LUZP2: variants seen among roughly 807,000 people sequenced by gnomAD.
The protein encoded by LUZP2 is leucine zipper protein 2.
LUZP2 carries 52 observed loss-of-function variants against 51.6 expected under a neutral mutation model. The observed-to-expected ratio is 1.01, with a 90% CI of 0.81 to 1.27. The LOEUF is 1.27. Ranked by LOEUF, LUZP2 falls within the 50% of genes most tolerant of loss-of-function variation. The pLI is 0.00. For synonymous variants in LUZP2, 154 were observed against 137.3 expected (o/e 1.12, Z -0.85); for missense variants, 436 against 395.4 (o/e 1.10, Z -0.87).
At chr11:24,940,065 A>G (rs1854699449) in intron 7 of LUZP2, among the ~76,000 whole-genome samples, 1 of 151,234 alleles carries the variant, frequency 6.6e-6, no homozygotes. Flanking sequence ...GTGTCTTTTG[A>G]CTGTATGGTG....
chr11:24,537,931 A>G (rs2133839077), intron 1 of LUZP2, among the ~76,000 whole-genome samples: 1 of 152,048 alleles, frequency 6.6e-6, no homozygotes, highest in Admixed American at 6.6e-5. Context: ...GTTAGCTGGC[A>G]GAGACACAGT....
At chr11:24,578,209 C>T (rs1330348359) in intron 1 of LUZP2, among the ~76,000 whole-genome samples, 6 of 151,990 alleles carry the variant, frequency 3.9e-5, no homozygotes, top group Admixed American at 3.9e-4. Flanking sequence ...GAGTAAGAAA[C>T]TTCTTAAAAT....
chr11:24,972,784 T>C (rs1855778622), intron 7 of LUZP2, among the ~76,000 whole-genome samples: 1 of 152,140 alleles, frequency 6.6e-6, no homozygotes, highest in African/African-American at 2.4e-5. Flanking sequence ...GCCAACTTGA[T>C]TGTGGTGGAT....
At chr11:24,708,643 C>G (rs531299259) in intron 1 of LUZP2, among the ~76,000 whole-genome samples, 12 of 152,200 alleles carry the variant, frequency 7.9e-5, no homozygotes, top group African/African-American at 2.6e-4. Flanking sequence ...TTATGAAAAC[C>G]TGGATTTCTT....
chr11:24,792,116 CA>C (rs139808255), intron 5 of LUZP2, among the ~76,000 whole-genome samples: 1,722 of 152,118 alleles, frequency 0.011, 29 homozygotes, highest in African/African-American at 0.038. Context: ...ACCTATCTTG[CA>C]TTTCTATTTT....
intron 10 of LUZP2, among the ~76,000 whole-genome samples, chr11:25,063,038 A>G (rs985493160): frequency 2.0e-5 from 3 of 151,394 alleles, no homozygotes; most frequent in Admixed American, 2.0e-4. Context: ...AGAAAAAAAT[A>G]CCCCAAATTA....
intron 10 of LUZP2, among the ~76,000 whole-genome samples, chr11:25,072,784 A>G (rs1272287191): frequency 6.7e-6 from 1 of 150,148 alleles, no homozygotes; most frequent in Non-Finnish European, 1.5e-5. Flanking sequence ...GATTACCATT[A>G]TAACCCCAAA....
At chr11:24,756,899 G>T (rs1859796433) in intron 4 of LUZP2, among the ~76,000 whole-genome samples, 2 of 152,338 alleles carry the variant, frequency 1.3e-5, no homozygotes, top group South Asian at 4.1e-4. Context: ...TCAAGCTGAG[G>T]TTCCCATAAC....
At chr11:24,543,289 T>A (rs1851437145) in intron 1 of LUZP2, among the ~76,000 whole-genome samples, 1 of 152,074 alleles carries the variant, frequency 6.6e-6, no homozygotes, top group Admixed American at 6.6e-5. Context: ...CCCTGTGATA[T>A]TTCTATGGGA....
intron 1 of LUZP2, among the ~76,000 whole-genome samples, chr11:24,524,464 A>G (rs1407437583): frequency 2.0e-5 from 3 of 151,824 alleles, no homozygotes; most frequent in Middle Eastern, 3.4e-3. Flanking sequence ...TAGTTGAAAA[A>G]GTTATTTTTC....
At chr11:24,562,465 C>G (rs1472299281) in intron 1 of LUZP2, among the ~76,000 whole-genome samples, 10 of 121,942 alleles carry the variant, frequency 8.2e-5, no homozygotes, top group Non-Finnish European at 1.4e-4. Context: ...AAAATGAGTC[C>G]TAAGGAAAAA....
chr11:24,768,907 A>G (rs764402548), intron 5 of LUZP2, among the ~76,000 whole-genome samples: 61 of 152,338 alleles, frequency 4.0e-4, no homozygotes, highest in Admixed American at 8.5e-4. Flanking sequence ...TATATATCCA[A>G]AGGAAATGAA....
chr11:24,976,397 T>C lies in LUZP2; in HGVS notation c.523-194T>C, dbSNP rs117668100. Among the ~76,000 whole-genome samples the C allele has an allele frequency of 1.2e-4, 18 of 151,996 alleles. No homozygotes were observed. The East Asian group carries it at 2.9e-3, about 25-fold the overall frequency. On this transcript the variant is annotated intron_variant, in intron 7 of 11. Transcript: ENST00000336930. ...ATCCAGAACTACCATTTTCTGCATA[T>C]TAAATATTCTGCACATCAAATTATC... is the stretch of plus-strand genomic sequence containing the variant.
intron 1 of LUZP2, among the ~76,000 whole-genome samples, chr11:24,551,522 A>G: frequency 6.6e-6 from 1 of 152,040 alleles, no homozygotes; most frequent in African/African-American, 2.4e-5. Context: ...AGATTACGGT[A>G]ATGGTTGTGC....
chr11:24,783,223 C>T (rs1402425898), intron 5 of LUZP2, among the ~76,000 whole-genome samples: 1 of 151,962 alleles, frequency 6.6e-6, no homozygotes, highest in East Asian at 1.9e-4. Flanking sequence ...CTTTATAAAG[C>T]ATTTTGTTAA....
chr11:24,754,885 T>C (rs1393719053), intron 4 of LUZP2, among the ~76,000 whole-genome samples: 1 of 152,142 alleles, frequency 6.6e-6, no homozygotes, highest in Non-Finnish European at 1.5e-5. Context: ...GTGGCTCACA[T>C]CTGTAATCCC....
At chr11:24,744,922 A>C (rs1000140912) in intron 4 of LUZP2, among the ~76,000 whole-genome samples, 9 of 152,054 alleles carry the variant, frequency 5.9e-5, no homozygotes, top group Non-Finnish European at 1.0e-4. Flanking sequence ...ATTGTCGTTC[A>C]GTTTGAAGAT....
chr11:24,737,625 T>C (rs892019823), intron 3 of LUZP2, among the ~76,000 whole-genome samples: 2 of 152,158 alleles, frequency 1.3e-5, no homozygotes, highest in Non-Finnish European at 2.9e-5. Flanking sequence ...AGGATCCTTA[T>C]GTGCTACTGA....
intron 5 of LUZP2, among the ~76,000 whole-genome samples, chr11:24,771,930 A>G (rs776805900): frequency 6.6e-6 from 1 of 152,178 alleles, no homozygotes; most frequent in Non-Finnish European, 1.5e-5. Flanking sequence ...GCCATGTGGA[A>G]CTGTGAGTCA....
Sources: allele counts gnomAD v4.1 joint callset (sites outside exome capture counted in the v4.1 genomes callset), GRCh38; gene constraint gnomAD v4.1.1; transcripts MANE v1.5; gene names NCBI Gene and HGNC (gene_info 2026-07-23, HGNC 2026-07-21).